The following TMEM232 variants were observed in gnomAD, a reference collection of about 807,000 sequenced individuals.
TMEM232 encodes the protein transmembrane protein 232.
TMEM232 carries 80 observed loss-of-function variants against 78.8 expected under a neutral mutation model. The observed-to-expected ratio is 1.01, with a 90% confidence interval of 0.85 to 1.22. The LOEUF (loss-of-function observed/expected upper bound fraction) is 1.22, where lower values mean the gene tolerates loss of function less well. TMEM232 is among the 50% of genes most tolerant of loss of function. The probability of loss-of-function intolerance (pLI) is 0.00; values close to 1 mark genes in which losing one functional copy is unlikely to be tolerated. For missense variants in TMEM232, 881 were observed against 742.2 expected, an observed-to-expected ratio of 1.19 and a Z score of -2.17; for synonymous variants, 297 against 254.3, an observed-to-expected ratio of 1.17 and a Z score of -1.60.
chr5:110,670,348 A>G (rs1198210058), intron 1 of TMEM232, among the ~76,000 whole-genome samples: 2 of 152,228 alleles, frequency 1.3e-5, no homozygotes, highest in Non-Finnish European at 2.9e-5. Flanking sequence ...ACAGACAAAC[A>G]GAGAGCCAAA....
At chr5:110,597,850 T>A (rs1780369177) in intron 10 of TMEM232, among the ~76,000 whole-genome samples, 1 of 152,298 alleles carries the variant, frequency 6.6e-6, no homozygotes, top group Middle Eastern at 3.4e-3. Context: ...CTACACCTTA[T>A]ACAAAAATTA....
Position 110,568,518 on chromosome 5 carries a change from A to C in TMEM232, c.1384T>G (p.Trp462Gly). Residue 462 changes from tryptophan (W) to glycine (G), a missense_variant, in exon 11 of 14, where the codon TGG becomes GGG. Trp to Gly is a radical substitution (Grantham distance 184). Transcript: ENST00000455884. ...EEQDGLRNMI[W>G]QTLQKTKDYE... ...TCCTTTGTTTTCTGCAATGTTTGCC[A>C]TATCATGTTTCTAAGTCCATCCTGT... The C allele has an allele frequency of 6.5e-7, 1 of 1,549,314 alleles. No homozygotes were observed. Among genetic ancestry groups the C allele is most frequent in the Non-Finnish European group, 8.7e-7 (1 of 1,145,620 alleles).
chr5:110,667,926 T>A (rs549968006), intron 1 of TMEM232, among the ~76,000 whole-genome samples: 1,920 of 152,192 alleles, frequency 0.013, 19 homozygotes, highest in Non-Finnish European at 0.02. Flanking sequence ...AGAATGTTTT[T>A]CCTTTTGATT....
At chr5:110,708,454 T>C (rs1003952193) in intron 1 of TMEM232, among the ~76,000 whole-genome samples, 1 of 152,120 alleles carries the variant, frequency 6.6e-6, no homozygotes, top group African/African-American at 2.4e-5. Context: ...TATTATAGCA[T>C]TGTAATCATG....
intron 11 of TMEM232, among the ~76,000 whole-genome samples, chr5:110,547,502 C>A (rs1160934631): frequency 6.6e-6 from 1 of 152,048 alleles, no homozygotes; most frequent in African/African-American, 2.4e-5. Flanking sequence ...AGATCTAGTG[C>A]AGACATGCTA....
chr5:110,555,880 T>A (rs1235811482), intron 11 of TMEM232, among the ~76,000 whole-genome samples: 1 of 152,176 alleles, frequency 6.6e-6, no homozygotes. Context: ...TTTGAACCTA[T>A]AGGTATCCTT....
chr5:110,392,814 A>G (rs78904516), intron 3 of TMEM232, among the ~76,000 whole-genome samples: 188 of 152,288 alleles, frequency 1.2e-3, no homozygotes, highest in African/African-American at 4.2e-3. Flanking sequence ...AAACCTTTCA[A>G]TGACCTAACA....
chr5:110,604,950 G>A (rs903469051), intron 10 of TMEM232, among the ~76,000 whole-genome samples, 159 bp downstream of exon 10: 2 of 151,760 alleles, frequency 1.3e-5, no homozygotes, highest in Non-Finnish European at 2.9e-5. Context: ...AGTGACACCT[G>A]GCCTCAAAAA....
intron 12 of TMEM232, among the ~76,000 whole-genome samples, chr5:110,433,188 A>C (rs1426653861): frequency 6.6e-6 from 1 of 151,822 alleles, no homozygotes; most frequent in African/African-American, 2.4e-5. Context: ...CATGCTTCTG[A>C]TCTGCATATG....
intron 1 of TMEM232, among the ~76,000 whole-genome samples, chr5:110,708,256 A>C (rs1796137544): frequency 6.6e-6 from 1 of 152,190 alleles, no homozygotes. Context: ...ATATCCTTCA[A>C]GTATGAAGAA....
intron 12 of TMEM232, among the ~76,000 whole-genome samples, chr5:110,458,341 G>A (rs1422675439): frequency 1.3e-5 from 2 of 151,648 alleles, no homozygotes; most frequent in Non-Finnish European, 2.9e-5. Flanking sequence ...TTGGCTTTGA[G>A]GAGCTCCTGA....
At chr5:110,419,287 A>G (rs1384723929), downstream of TMEM232, among the ~76,000 whole-genome samples, 1 of 152,096 alleles carries the variant, frequency 6.6e-6, no homozygotes, top group African/African-American at 2.4e-5. Context: ...CAAGCATAAG[A>G]TAAAAGGTTT....
intron 12 of TMEM232, among the ~76,000 whole-genome samples, chr5:110,440,200 T>C (rs1373419387): frequency 6.6e-6 from 1 of 152,178 alleles, no homozygotes; most frequent in African/African-American, 2.4e-5. Context: ...AAGTGTCCTT[T>C]AAGAGATAAG....
chr5:110,534,099 T>C (rs987247541), intron 11 of TMEM232, among the ~76,000 whole-genome samples: 1 of 152,112 alleles, frequency 6.6e-6, no homozygotes, highest in African/African-American at 2.4e-5. Flanking sequence ...CTAAAATACC[T>C]CTTAGTCTAA....
intron 12 of TMEM232, among the ~76,000 whole-genome samples, chr5:110,428,694 T>C (rs1348399754): frequency 6.6e-6 from 1 of 151,550 alleles, no homozygotes; most frequent in African/African-American, 2.4e-5. Flanking sequence ...TCTCCTCCAC[T>C]GCAATAGTCT....
chr5:110,538,011 A>G lies in TMEM232; in HGVS notation c.1456-9176T>C, dbSNP rs1438105981. Among the ~76,000 whole-genome samples the G allele has an allele frequency of 2.6e-5, 4 of 152,184 alleles. No homozygotes were observed. The South Asian group carries it at 8.3e-4, about 31-fold the overall frequency. ...TCACTTGGGCCCAAACACAGTCTCC[A>G]CTATTGATCCTAATTGGGACTATAA... On this transcript the variant is annotated intron_variant, in intron 11 of 13. Coordinates refer to ENST00000455884, the MANE Select transcript of TMEM232 (RefSeq NM_001039763.4).
chr5:110,591,198 C>T (rs1779484636), intron 10 of TMEM232, among the ~76,000 whole-genome samples: 1 of 152,136 alleles, frequency 6.6e-6, no homozygotes. Context: ...TGTCTCACGC[C>T]TACAATCTCA....
At chr5:110,725,468 C>T in intron 1 of TMEM232, 1 of 152,160 alleles carries the variant, frequency 6.6e-6, no homozygotes, top group East Asian at 1.9e-4. Flanking sequence ...GAACATTTAT[C>T]AAATTTATCA....
At chr5:110,707,249 G>A (rs1220648309) in intron 1 of TMEM232, among the ~76,000 whole-genome samples, 2 of 152,174 alleles carry the variant, frequency 1.3e-5, no homozygotes, top group Admixed American at 1.3e-4. Context: ...AGGCATTGAA[G>A]AGGGTCAGAG....
Sources: allele counts gnomAD v4.1 joint callset (sites outside exome capture counted in the v4.1 genomes callset), GRCh38; gene constraint gnomAD v4.1.1; transcripts MANE v1.5; gene names NCBI Gene and HGNC (gene_info 2026-07-23, HGNC 2026-07-21).